MRPS14: variants seen among roughly 807,000 people sequenced by gnomAD.
MRPS14 encodes the protein mitochondrial ribosomal protein S14, also known as small ribosomal subunit protein uS14m.
Under a neutral mutation model 16.4 loss-of-function variants are expected in MRPS14, and 14 were observed. The ratio of observed to expected loss-of-function variants is 0.85; its 90% CI spans 0.56 to 1.33. The LOEUF is 1.33. MRPS14 is among the 40% of genes most tolerant of loss of function. The pLI, the probability that MRPS14 is intolerant of heterozygous loss-of-function variation, is 0.00. For missense variants in MRPS14, 162 were observed against 176.8 expected (o/e 0.92, Z 0.48); for synonymous variants, 54 against 61.9 (o/e 0.87, Z 0.60).
chr1:175,016,066 A>G (rs1978053), intron 2 of MRPS14, among the ~76,000 whole-genome samples: 114,439 of 152,014 alleles, frequency 0.75, 44,204 homozygotes, highest in African/African-American at 0.94. Flanking sequence ...GTGTGGTGGC[A>G]CATGCCTGTA....
chr1:175,018,329 A>C, intron 2 of MRPS14, 89 bp downstream of exon 2: 1 of 1,216,528 alleles, frequency 8.2e-7, no homozygotes, highest in Non-Finnish European at 1.1e-6. Flanking sequence ...AATTATATTG[A>C]TACCAAGTCA....
rs567511230 is a variant in MRPS14, at chr1:175,015,011, A to T, written c.205-160T>A. ...TGGGTGTTAGATTGTGCAATGTCAC[A>T]ATCTCAGCTCACTGCAACCTCCGCC... On this transcript the variant is annotated intron_variant, in intron 2 of 2. Coordinates refer to ENST00000476371, the MANE Select transcript of MRPS14 (RefSeq NM_022100.3). Among the ~76,000 whole-genome samples the T allele has an allele frequency of 2.0e-5, 3 of 147,722 alleles. No homozygotes were observed. In the East Asian group the frequency reaches 5.9e-4, roughly 29 times the overall value.
At chr1:175,017,672 A>C (rs1672907610) in intron 2 of MRPS14, among the ~76,000 whole-genome samples, 1 of 152,102 alleles carries the variant, frequency 6.6e-6, no homozygotes, top group Admixed American at 6.5e-5. Flanking sequence ...GGTGACAAGG[A>C]AGTAAGCCTT....
intron 2 of MRPS14, among the ~76,000 whole-genome samples, chr1:175,015,762 C>A (rs1339152508): frequency 6.6e-6 from 1 of 152,096 alleles, no homozygotes; most frequent in African/African-American, 2.4e-5. Flanking sequence ...AGTGTGCTAA[C>A]AAGTAGATGG....
chr1:175,023,318 AT>A, intron 1 of MRPS14, 45 bp downstream of exon 1: 3 of 1,606,228 alleles, frequency 1.9e-6, no homozygotes, highest in Non-Finnish European at 2.5e-6. Context: ...GGGTTATGAG[AT>A]TCAGCGGTGA....
At position 175,014,320 on chromosome 1, in the gene MRPS14, GAT is replaced by G. The variant is rs1183144648; in HGVS notation, c.*347_*348del. The G allele has an allele frequency of 2.6e-5, 10 of 385,098 alleles. No homozygotes were observed. Among genetic ancestry groups the G allele is most frequent in the African/African-American group, 2.1e-4 (10 of 48,284 alleles). 23.9% of individuals were successfully genotyped at this position (385,098 alleles called of 1,614,324 possible). ...TGTCAATTAGTTGGATTATGTATAA[GAT>G]AGCATTTTATGAAATAATGCTCTTA... is the stretch of plus-strand genomic sequence containing the variant. On this transcript the variant is annotated 3_prime_UTR_variant, in exon 3 of 3. Transcript: ENST00000476371.
intron 2 of MRPS14, among the ~76,000 whole-genome samples, chr1:175,016,089 C>T (rs1052209518): frequency 9.9e-5 from 15 of 151,436 alleles, no homozygotes; most frequent in African/African-American, 3.6e-4. Context: ...CCCATCTGGC[C>T]GGGAGGCTAA....
At chr1:175,016,609 T>C (rs1280558438) in intron 2 of MRPS14, among the ~76,000 whole-genome samples, 2 of 152,182 alleles carry the variant, frequency 1.3e-5, no homozygotes, top group African/African-American at 4.8e-5. Context: ...ACATGTCTTC[T>C]GGGTATCTTC....
Position 175,016,771 on chromosome 1 carries a change from C to T in MRPS14, c.204+1647G>A, listed in dbSNP as rs534517172. On this transcript the variant is annotated intron_variant, in intron 2 of 2. Transcript: ENST00000476371. ...ATGAAGTTAATGAATGCATCCTTCA[C>T]CTCACAAAATTACCGTTTGTGTATG... Among the ~76,000 whole-genome samples the T allele has an allele frequency of 7.3e-5, 11 of 151,358 alleles. No homozygotes were observed. In the East Asian group the frequency reaches 1.0e-3, roughly 14 times the overall value.
rs1672814631 is a variant in MRPS14, at chr1:175,013,302, T to TAGGGGA, written c.*1366_*1367insTCCCCT. 6.6e-6 allele frequency: 1 copy of TAGGGGA among 152,382 alleles called. No homozygotes were observed. The highest frequency in any genetic ancestry group is 2.1e-4 in the South Asian group (1 of 4,832). The allele number at this position is 152,382 out of a possible 1,614,324, so 9.4% of individuals were successfully genotyped here. On this transcript the variant is annotated 3_prime_UTR_variant, in exon 3 of 3. Coordinates refer to ENST00000476371, the MANE Select transcript of MRPS14 (RefSeq NM_022100.3). ...CGCATGACTGGAACCTGAACTCGCT[T>TAGGGGA]ATCTTCTGTTTCCCCTAAATTTGTT... is the stretch of plus-strand genomic sequence containing the variant.
intron 1 of MRPS14, among the ~76,000 whole-genome samples, chr1:175,020,048 G>A (rs1162634377): frequency 1.3e-5 from 2 of 152,104 alleles, no homozygotes; most frequent in East Asian, 3.8e-4. Context: ...TTGAAAAAAA[G>A]ATAAGCAGGA....
In MRPS14 at chr1:175,014,866, A is replaced by G. The variant is rs1264632077; in HGVS notation, c.205-15T>C. Reference sequence around the variant, plus strand: ...TCAGCCACATCCTAAGGGAAATCACATTATTACACAGATCACATTACATTG... The same window carrying G: ...TCAGCCACATCCTAAGGGAAATCACGTTATTACACAGATCACATTACATTG... On this transcript the variant is annotated splice_polypyrimidine_tract_variant and intron_variant, in intron 2 of 2. Coordinates refer to ENST00000476371, the MANE Select transcript of MRPS14 (RefSeq NM_022100.3). 1.2e-6 allele frequency: 2 copies of G among 1,612,072 alleles called. No individual in the cohort carries two copies. Among genetic ancestry groups the G allele is most frequent in the Non-Finnish European group, 1.7e-6 (2 of 1,179,248 alleles).
At chr1:175,018,295 T>C (rs1450610261) in intron 2 of MRPS14, 123 bp downstream of exon 2, 2 of 956,136 alleles carry the variant, frequency 2.1e-6, no homozygotes, top group South Asian at 1.8e-5. Flanking sequence ...TTTGTTTATA[T>C]TGATGTGGAT....
Position 175,014,687 on chromosome 1 carries a change from G to A in MRPS14, c.369C>T (p.Ile123=), listed in dbSNP as rs1466736318. The change falls in exon 3 of 3, where the codon ATC becomes ATT. Residue 123 remains isoleucine, a synonymous_variant. Coordinates refer to ENST00000476371, the MANE Select transcript of MRPS14 (RefSeq NM_022100.3). The part of the protein sequence containing the change: ...HLADHGQLSG[I]QRATW ...AGCTCATTTACCATGTCGCTCGCTG[G>A]ATCCCAGAAAGTTGCCCATGGTCAG... is the stretch of plus-strand genomic sequence containing the variant. 5 of 1,611,354 alleles carry A rather than the reference G, an allele frequency of 3.1e-6. No homozygotes were observed. In the Admixed American group the frequency reaches 5.1e-5, roughly 16 times the overall value.
intron 1 of MRPS14, among the ~76,000 whole-genome samples, chr1:175,021,453 T>C (rs2149415623): frequency 6.6e-6 from 1 of 152,354 alleles, no homozygotes; most frequent in South Asian, 2.1e-4. Context: ...GGTATTTTAT[T>C]ATTAATAAGT....
At chr1:175,020,969 A>G (rs1030201994) in intron 1 of MRPS14, among the ~76,000 whole-genome samples, 1 of 151,862 alleles carries the variant, frequency 6.6e-6, no homozygotes, top group Non-Finnish European at 1.5e-5. Flanking sequence ...CTCTCAATCC[A>G]TGGTCTATCA....
intron 1 of MRPS14, among the ~76,000 whole-genome samples, chr1:175,021,721 T>C (rs1238063538): frequency 1.3e-5 from 2 of 152,188 alleles, no homozygotes; most frequent in Admixed American, 6.5e-5. Context: ...CTTACTCCAA[T>C]TCTCCTGACC....
Position 175,014,592 on chromosome 1 carries a change from G to A in MRPS14, c.*77C>T, listed in dbSNP as rs1672844790. 3 of 1,466,800 alleles carry A rather than the reference G, an allele frequency of 2.0e-6. No individual in the cohort carries two copies. The highest frequency in any genetic ancestry group is 4.6e-5 in the East Asian group (2 of 43,792). The allele number at this position is 1,466,800 out of a possible 1,614,324, so 90.9% of individuals were successfully genotyped here. ...GGGCCCCTGTAGAGATTAGGGTTTG[G>A]TCTATTAAAAAAAATCTTTGCTTGC... On this transcript the variant is annotated 3_prime_UTR_variant, in exon 3 of 3. Transcript: ENST00000476371.
chr1:175,022,445 T>TC (rs1672996168), intron 1 of MRPS14: 9 of 78,886 alleles, frequency 1.1e-4, no homozygotes, highest in African/African-American at 4.4e-4. Context: ...CTCTCTCTCT[T>TC]TTTTTTTTTT....
Sources: gnomAD v4.1 joint callset for allele counts (sites outside exome capture counted in the v4.1 genomes callset) on GRCh38, gnomAD v4.1.1 for gene constraint, MANE v1.5 for transcripts, NCBI Gene and HGNC (gene_info 2026-07-23, HGNC 2026-07-21) for gene names.